Variants in RPS6KC1 observed in about 807,000 individuals in gnomAD.
RPS6KC1 encodes ribosomal protein S6 kinase C1, also known as inactive ribosomal protein S6 kinase delta-1.
RPS6KC1 carries 54 observed loss-of-function variants against 103.8 expected under a neutral mutation model. The observed-to-expected ratio is 0.52, with a 90% CI of 0.42 to 0.65. The LOEUF (loss-of-function observed/expected upper bound fraction) is 0.65. Among genes scored for constraint, RPS6KC1 ranks in the 30% least tolerant of loss-of-function variants. The pLI is 0.00. For synonymous variants in RPS6KC1, 439 were observed against 438.7 expected (o/e 1.00, Z -0.01); for missense variants, 1,151 against 1,253.8 (o/e 0.92, Z 1.24).
chr1:213,835,129 T>C, the RPS6KC1 span, among the ~76,000 whole-genome samples: 1 of 152,180 alleles, frequency 6.6e-6, no homozygotes, highest in Non-Finnish European at 1.5e-5. Context: ...AGTGTCCACA[T>C]GACAAGAAGG....
the RPS6KC1 span, among the ~76,000 whole-genome samples, chr1:213,403,632 G>A: frequency 6.6e-6 from 1 of 152,102 alleles, no homozygotes; most frequent in Admixed American, 6.5e-5. Context: ...CTCATTGAGG[G>A]TTTCTCCTAG....
the RPS6KC1 span, among the ~76,000 whole-genome samples, chr1:213,741,533 G>GAA: frequency 1.3e-3 from 201 of 150,400 alleles, 1 homozygote; most frequent in African/African-American, 4.6e-3. Flanking sequence ...CAACGTGCTG[G>GAA]AAAAAAAAAA....
chr1:213,337,004 T>C, the RPS6KC1 span, among the ~76,000 whole-genome samples: 2 of 152,268 alleles, frequency 1.3e-5, no homozygotes, highest in Admixed American at 1.3e-4. Flanking sequence ...GTGAAGGCAT[T>C]ATGATTTATT....
At chr1:213,604,656 C>T in the RPS6KC1 span, among the ~76,000 whole-genome samples, 2 of 152,228 alleles carry the variant, frequency 1.3e-5, no homozygotes, top group Non-Finnish European at 2.9e-5. Context: ...GGCTGCCAGA[C>T]CTGCCATGTG....
At chr1:213,064,127 GCT>G (rs1407681146) in intron 1 of RPS6KC1, among the ~76,000 whole-genome samples, 8 of 152,208 alleles carry the variant, frequency 5.3e-5, no homozygotes, top group Admixed American at 3.9e-4. Flanking sequence ...CGTGATCTTG[GCT>G]CTCTGCAACC....
intron 1 of RPS6KC1, among the ~76,000 whole-genome samples, chr1:213,055,483 G>T (rs1471649226): frequency 6.6e-6 from 1 of 151,950 alleles, no homozygotes; most frequent in Non-Finnish European, 1.5e-5. Flanking sequence ...TGGATATTTG[G>T]GTTGTTTCCA....
the RPS6KC1 span, among the ~76,000 whole-genome samples, chr1:213,591,915 T>C: frequency 6.6e-6 from 1 of 152,128 alleles, no homozygotes; most frequent in Admixed American, 6.5e-5. Flanking sequence ...AGTCACATCT[T>C]GGGATGTGTC....
chr1:213,447,752 G>C, the RPS6KC1 span, among the ~76,000 whole-genome samples: 1 of 152,078 alleles, frequency 6.6e-6, no homozygotes, highest in African/African-American at 2.4e-5. Flanking sequence ...TCTTGTTCCT[G>C]GGTGGTTTAT....
At chr1:213,860,850 C>T in the RPS6KC1 span, among the ~76,000 whole-genome samples, 1 of 151,860 alleles carries the variant, frequency 6.6e-6, no homozygotes, top group Admixed American at 6.6e-5. Context: ...ACTCTGCCAC[C>T]CAGGCTGGAG....
chr1:213,192,911 A>C (rs916893897), intron 8 of RPS6KC1, among the ~76,000 whole-genome samples: 1 of 152,014 alleles, frequency 6.6e-6, no homozygotes, highest in Non-Finnish European at 1.5e-5. Context: ...TGTTTCAAGA[A>C]ATTTTTCAGT....
At chr1:213,759,410 A>C in the RPS6KC1 span, among the ~76,000 whole-genome samples, 1 of 152,330 alleles carries the variant, frequency 6.6e-6, no homozygotes, top group African/African-American at 2.4e-5. Context: ...CTGGAACTGA[A>C]CCTGCAATTT....
At chr1:213,230,669 T>C in intron 9 of RPS6KC1, 125 bp downstream of exon 9, 1 of 490,870 alleles carries the variant, frequency 2.0e-6, no homozygotes, top group Admixed American at 3.9e-5. Context: ...ACCCCGTTTC[T>C]ACTAAAAATA....
chr1:213,769,606 C>T, the RPS6KC1 span, among the ~76,000 whole-genome samples: 2 of 151,946 alleles, frequency 1.3e-5, no homozygotes, highest in African/African-American at 4.8e-5. Context: ...CTCAAATGCA[C>T]AAGTCTATCC....
At chr1:213,216,811 C>G (rs564121894) in intron 8 of RPS6KC1, among the ~76,000 whole-genome samples, 2 of 152,298 alleles carry the variant, frequency 1.3e-5, no homozygotes, top group African/African-American at 4.8e-5. Flanking sequence ...TAAAGATGTT[C>G]TTTCAAACCA....
chr1:213,099,478 T>C (rs1327539587), intron 3 of RPS6KC1, among the ~76,000 whole-genome samples: 1 of 152,206 alleles, frequency 6.6e-6, no homozygotes, highest in Admixed American at 6.5e-5. Flanking sequence ...TAACATATTG[T>C]CATTAATAAG....
chr1:213,623,163 T>C, the RPS6KC1 span, among the ~76,000 whole-genome samples: 104 of 152,292 alleles, frequency 6.8e-4, no homozygotes, highest in Non-Finnish European at 1.2e-3. Context: ...ATGACTGTTG[T>C]AGGGTTTGAA....
the RPS6KC1 span, among the ~76,000 whole-genome samples, chr1:213,680,027 T>C: frequency 1.3e-5 from 2 of 152,190 alleles, no homozygotes; most frequent in African/African-American, 2.4e-5. Context: ...TCGAAATTTG[T>C]TTCTCTTTTA....
At chr1:213,291,595 G>C in the RPS6KC1 span, among the ~76,000 whole-genome samples, 2 of 152,230 alleles carry the variant, frequency 1.3e-5, no homozygotes, top group East Asian at 3.8e-4. Flanking sequence ...CAGTGAAATG[G>C]GGAGGAATCT....
chr1:213,389,796 G>T, the RPS6KC1 span, among the ~76,000 whole-genome samples: 1 of 152,138 alleles, frequency 6.6e-6, no homozygotes, highest in Non-Finnish European at 1.5e-5. Flanking sequence ...CGAGCAAAGG[G>T]CAATCTGGGT....
Sources: gnomAD v4.1 joint callset for allele counts (sites outside exome capture counted in the v4.1 genomes callset) on GRCh38, gnomAD v4.1.1 for gene constraint, MANE v1.5 for transcripts, NCBI Gene and HGNC (gene_info 2026-07-23, HGNC 2026-07-21) for gene names.